The following KCNJ3 variants were observed in gnomAD, a reference collection of about 807,000 sequenced individuals.
KCNJ3 encodes the protein G protein-activated inward rectifier potassium channel 1.
A neutral mutation model predicts 39.2 loss-of-function variants in KCNJ3; 4 were observed. That is an observed-to-expected ratio of 0.10 (90% confidence interval 0.05 to 0.23). The LOEUF (loss-of-function observed/expected upper bound fraction) is 0.23, where lower values mean the gene tolerates loss of function less well. Among genes scored for constraint, KCNJ3 ranks in the 10% least tolerant of loss-of-function variants. The pLI, the probability that KCNJ3 is intolerant of heterozygous loss-of-function variation, is 1.00. For synonymous variants in KCNJ3, 230 were observed against 237.4 expected, an observed-to-expected ratio of 0.97 and a Z score of 0.29; for missense variants, 276 against 634.9, an observed-to-expected ratio of 0.43 and a Z score of 6.08.
intron 2 of KCNJ3, among the ~76,000 whole-genome samples, chr2:154,793,902 C>T (rs1464067797): frequency 6.6e-6 from 1 of 151,924 alleles, no homozygotes; most frequent in Non-Finnish European, 1.5e-5. Context: ...CCTCTAGGCA[C>T]TTGTACTGTA....
At chr2:154,817,350 G>A (rs943966668) in intron 2 of KCNJ3, among the ~76,000 whole-genome samples, 6 of 152,138 alleles carry the variant, frequency 3.9e-5, no homozygotes, top group African/African-American at 1.4e-4. Flanking sequence ...ATTCTGCACA[G>A]GGATTACTTA....
chr2:154,833,473 G>A (rs1226388271), intron 2 of KCNJ3, among the ~76,000 whole-genome samples: 2 of 152,118 alleles, frequency 1.3e-5, no homozygotes, highest in Admixed American at 1.3e-4. Flanking sequence ...CTCTACTCCA[G>A]CTTCTCACAC....
At chr2:154,826,013 A>T (rs1024824278) in intron 2 of KCNJ3, among the ~76,000 whole-genome samples, 5 of 152,046 alleles carry the variant, frequency 3.3e-5, no homozygotes, top group Non-Finnish European at 7.4e-5. Flanking sequence ...CCTAATATAA[A>T]CTCACAATTC....
intron 2 of KCNJ3, among the ~76,000 whole-genome samples, chr2:154,799,500 G>T (rs2105215727): frequency 6.6e-6 from 1 of 152,224 alleles, no homozygotes; most frequent in South Asian, 2.1e-4. Flanking sequence ...AGGGTGAGGA[G>T]GATGGAGAAG....
At chr2:154,726,640 A>G (rs1016343339) in intron 2 of KCNJ3, among the ~76,000 whole-genome samples, 2 of 152,110 alleles carry the variant, frequency 1.3e-5, no homozygotes, top group Non-Finnish European at 2.9e-5. Context: ...AAGTCATTAT[A>G]AGAAAAAGAT....
intron 2 of KCNJ3, among the ~76,000 whole-genome samples, chr2:154,793,467 T>G (rs2591156): frequency 6.6e-6 from 1 of 151,914 alleles, no homozygotes; most frequent in Non-Finnish European, 1.5e-5. Flanking sequence ...TGAGTGGTCT[T>G]CCTTTTAACA....
intron 2 of KCNJ3, among the ~76,000 whole-genome samples, chr2:154,832,515 AG>A (rs1448918569): frequency 1.3e-5 from 2 of 152,346 alleles, no homozygotes; most frequent in Non-Finnish European, 2.9e-5. Flanking sequence ...AACACTTTAT[AG>A]TAAGCTCTGC....
chr2:154,849,309 C>T (rs558469166), intron 2 of KCNJ3, among the ~76,000 whole-genome samples: 13 of 152,168 alleles, frequency 8.5e-5, no homozygotes, highest in African/African-American at 3.1e-4. Context: ...AAGGGATTTG[C>T]TCTTCTGTTT....
intron 1 of KCNJ3, among the ~76,000 whole-genome samples, chr2:154,707,252 G>T (rs1685029144): frequency 6.6e-6 from 1 of 151,946 alleles, no homozygotes; most frequent in Non-Finnish European, 1.5e-5. Flanking sequence ...GGGAGGGTGG[G>T]GTAGGGTAAT....
Position 154,699,517 on chromosome 2 carries a change from T to C in KCNJ3, c.702+40T>C, listed in dbSNP as rs1463725917. On this transcript the variant is annotated intron_variant, in intron 1 of 2. Transcript: ENST00000295101. The surrounding 1 kb of genome is among the most constrained non-coding windows in gnomAD (Gnocchi z 6.4). ...CCCCTTCCCCACCGGGAGACCTGCG[T>C]CCCCCAAACCCGCGGAGTAACTCGT... is the stretch of plus-strand genomic sequence containing the variant. 3 of 1,519,386 alleles carry C rather than the reference T, an allele frequency of 2.0e-6. No homozygotes were observed. In the Admixed American group the frequency reaches 5.9e-5, roughly 30 times the overall value. The allele number at this position is 1,519,386 out of a possible 1,614,324, so 94.1% of individuals were successfully genotyped here. A position where few individuals can be genotyped will look rare whatever the true frequency, so the allele number is the denominator to read the frequency against.
intron 2 of KCNJ3, among the ~76,000 whole-genome samples, chr2:154,756,540 G>A (rs190665641): frequency 2.6e-5 from 4 of 151,442 alleles, no homozygotes; most frequent in Non-Finnish European, 5.9e-5. Context: ...CCCCTGACAG[G>A]CCCTGATGTG....
intron 2 of KCNJ3, among the ~76,000 whole-genome samples, chr2:154,822,143 C>A (rs1465037485): frequency 2.0e-5 from 3 of 152,128 alleles, no homozygotes; most frequent in African/African-American, 4.8e-5. Flanking sequence ...TAACATTTTT[C>A]TGACTTCAGT....
At chr2:154,828,689 T>A (rs13032396) in intron 2 of KCNJ3, among the ~76,000 whole-genome samples, 12,513 of 152,210 alleles carry the variant, frequency 0.082, 733 homozygotes, top group Non-Finnish European at 0.12. Context: ...CTCCCTTGAA[T>A]GCTATTCCCT....
intron 2 of KCNJ3, among the ~76,000 whole-genome samples, chr2:154,767,052 C>T (rs1686147414): frequency 6.6e-6 from 1 of 151,820 alleles, no homozygotes; most frequent in Non-Finnish European, 1.5e-5. Context: ...ACTTTTAATT[C>T]AACTATAAAT....
intron 1 of KCNJ3, among the ~76,000 whole-genome samples, chr2:154,703,374 C>A (rs1334387131): frequency 1.3e-5 from 2 of 151,990 alleles, no homozygotes; most frequent in East Asian, 3.8e-4. Flanking sequence ...GTCAGCTGTG[C>A]AATCCTTAAC....
intron 2 of KCNJ3, among the ~76,000 whole-genome samples, chr2:154,762,792 T>C (rs1419472288): frequency 2.0e-5 from 3 of 152,210 alleles, no homozygotes; most frequent in East Asian, 3.8e-4. Flanking sequence ...GAGACTCTTT[T>C]AACTGTTGCT....
intron 2 of KCNJ3, among the ~76,000 whole-genome samples, chr2:154,775,467 A>C (rs1686317135): frequency 6.6e-6 from 1 of 152,168 alleles, no homozygotes; most frequent in Non-Finnish European, 1.5e-5. Context: ...GCTTCCCAGA[A>C]TTGGGCATAA....
intron 2 of KCNJ3, among the ~76,000 whole-genome samples, chr2:154,738,768 A>G (rs1395305081): frequency 2.0e-5 from 3 of 152,120 alleles, no homozygotes; most frequent in African/African-American, 7.2e-5. Context: ...AGACTGCTGT[A>G]AACAGCAAGG....
At chr2:154,807,445 C>T (rs1686930732) in intron 2 of KCNJ3, among the ~76,000 whole-genome samples, 1 of 152,198 alleles carries the variant, frequency 6.6e-6, no homozygotes, top group Non-Finnish European at 1.5e-5. Flanking sequence ...TCTGATGTGG[C>T]TTCCTGGCTA....
Sources: allele counts gnomAD v4.1 joint callset (sites outside exome capture counted in the v4.1 genomes callset), GRCh38; gene constraint gnomAD v4.1.1; non-coding constraint Gnocchi (gnomAD v3.1); transcripts MANE v1.5; gene names NCBI Gene and HGNC (gene_info 2026-07-23, HGNC 2026-07-21).